Variants in GRID2 observed in about 807,000 individuals in gnomAD.
The protein encoded by GRID2 is glutamate receptor ionotropic, delta-2.
Under a neutral mutation model 114.8 loss-of-function variants are expected in GRID2, and 33 were observed. The observed-to-expected ratio is 0.29, with a 90% CI of 0.22 to 0.38. The LOEUF is 0.38. GRID2 is among the 10% of genes least tolerant of loss of function. The pLI is 1.00. For synonymous variants in GRID2, 505 were observed against 449.9 expected (o/e 1.12, Z -1.55); for missense variants, 1,184 against 1,257.7 (o/e 0.94, Z 0.89).
At chr4:92,785,876 A>G (rs964478986) in intron 2 of GRID2, among the ~76,000 whole-genome samples, 1 of 151,846 alleles carries the variant, frequency 6.6e-6, no homozygotes, top group Non-Finnish European at 1.5e-5. Flanking sequence ...GTAAATTGAC[A>G]TTTCAATACC....
intron 1 of GRID2, among the ~76,000 whole-genome samples, chr4:92,548,494 C>T (rs569481283): frequency 7.6e-5 from 11 of 144,408 alleles, no homozygotes; most frequent in South Asian, 2.2e-4. Context: ...CTCCGCCTGC[C>T]GGGTTCAAGT....
intron 1 of GRID2, among the ~76,000 whole-genome samples, chr4:92,524,271 CAT>C (rs113293412): frequency 0.011 from 1,659 of 152,032 alleles, 26 homozygotes; most frequent in African/African-American, 0.038. Flanking sequence ...CAAAATTTAA[CAT>C]AAATGTAATG....
intron 2 of GRID2, among the ~76,000 whole-genome samples, chr4:92,672,340 A>G: frequency 6.6e-6 from 1 of 152,224 alleles, no homozygotes; most frequent in African/African-American, 2.4e-5. Context: ...TGAACTTTAA[A>G]TTTTCAGCTC....
chr4:93,049,474 ATTAGT>A (rs1213625975), intron 2 of GRID2, among the ~76,000 whole-genome samples: 1 of 151,862 alleles, frequency 6.6e-6, no homozygotes, highest in Non-Finnish European at 1.5e-5. Context: ...TTTGAACTTC[ATTAGT>A]TTAAACTTAA....
At chr4:93,677,059 C>T (rs76618279) in intron 14 of GRID2, among the ~76,000 whole-genome samples, 10 of 152,102 alleles carry the variant, frequency 6.6e-5, no homozygotes, top group East Asian at 1.9e-4. Context: ...GCTGGAAAAT[C>T]GGGTCACTCC....
At chr4:93,743,885 C>T (rs758659314) in intron 14 of GRID2, among the ~76,000 whole-genome samples, 3 of 152,122 alleles carry the variant, frequency 2.0e-5, no homozygotes, top group Admixed American at 6.5e-5. Context: ...GAGTAGAAGT[C>T]AATGCTTGAC....
At chr4:93,023,123 G>A (rs541890169) in intron 2 of GRID2, among the ~76,000 whole-genome samples, 52 of 147,226 alleles carry the variant, frequency 3.5e-4, no homozygotes, top group Non-Finnish European at 6.6e-4. Context: ...GTGTGTGTGT[G>A]TGTATGTATG....
rs764487348 is a variant in GRID2 at position 92,816,318 on chromosome 4, C to CAAA, written c.244+226053_244+226055dup. Reference sequence around the variant, plus strand: ...CAACAAGAGTAAATCTCTGTCTCACCAAAAAAAAAAAAAAAAAAAAAAAGT... The same window carrying CAAA: ...CAACAAGAGTAAATCTCTGTCTCACCAAAAAAAAAAAAAAAAAAAAAAAAAAGT... On this transcript the variant is annotated intron_variant, in intron 2 of 15. Transcript: ENST00000282020. Among the ~76,000 whole-genome samples the CAAA allele has an allele frequency of 1.7e-3, 84 of 48,028 alleles. 1 individual carries two copies. Among genetic ancestry groups the CAAA allele is most frequent in the Middle Eastern group, 0.013 (1 of 78 alleles). 31.5% of individuals were successfully genotyped at this position (48,028 alleles called of 152,430 possible).
chr4:92,670,249 CATTT>C (rs1732992564), intron 2 of GRID2, among the ~76,000 whole-genome samples: 1 of 152,014 alleles, frequency 6.6e-6, no homozygotes, highest in African/African-American at 2.4e-5. Flanking sequence ...ATTCATTTTA[CATTT>C]ATTAAACGTT....
At chr4:93,341,744 T>C (rs1759678476) in intron 8 of GRID2, among the ~76,000 whole-genome samples, 1 of 152,158 alleles carries the variant, frequency 6.6e-6, no homozygotes, top group South Asian at 2.1e-4. Context: ...TGGATTTGCC[T>C]AGGAGTTGTG....
chr4:92,735,869 T>C (rs777937398), intron 2 of GRID2, among the ~76,000 whole-genome samples: 1 of 152,016 alleles, frequency 6.6e-6, no homozygotes. Context: ...TGAGGTCACA[T>C]GAAAACATAA....
intron 13 of GRID2, among the ~76,000 whole-genome samples, chr4:93,613,869 A>T (rs1436745710): frequency 6.6e-6 from 1 of 151,616 alleles, no homozygotes; most frequent in Non-Finnish European, 1.5e-5. Context: ...TGCTTTGTTT[A>T]CCTAAGCAAG....
In GRID2 at chr4:92,312,283, G is replaced by T. The variant is rs181673662; in HGVS notation, c.88+7539G>T. Among the ~76,000 whole-genome samples, 6 of 152,084 alleles carry T rather than the reference G, an allele frequency of 3.9e-5. No homozygotes were observed. In the East Asian group the frequency reaches 1.2e-3, roughly 29 times the overall value. ...TATTTAAATCTTCTAGGTATATTTG[G>T]GTTAAGATAAAATGTGTGATATGAA... is the stretch of plus-strand genomic sequence containing the variant. On this transcript the variant is annotated intron_variant, in intron 1 of 15. Coordinates refer to ENST00000282020, the MANE Select transcript of GRID2 (RefSeq NM_001510.4).
At chr4:93,297,059 CT>C (rs1754381311) in intron 8 of GRID2, among the ~76,000 whole-genome samples, 1 of 152,084 alleles carries the variant, frequency 6.6e-6, no homozygotes, top group Admixed American at 6.5e-5. Flanking sequence ...CATTTAAGCC[CT>C]GGTCATATCT....
At chr4:93,130,692 T>C (rs552775766) in intron 4 of GRID2, among the ~76,000 whole-genome samples, 1 of 152,336 alleles carries the variant, frequency 6.6e-6, no homozygotes, top group South Asian at 2.1e-4. Context: ...TCTCCGTCAT[T>C]AGATTGTAAA....
At chr4:92,449,707 ATAT>A (rs1463215976) in intron 1 of GRID2, among the ~76,000 whole-genome samples, 24 of 142,488 alleles carry the variant, frequency 1.7e-4, no homozygotes, top group African/African-American at 5.7e-4. Context: ...ATATATATAT[ATAT>A]AACACTTAAG....
At chr4:93,286,005 G>T (rs138420302) in intron 8 of GRID2, among the ~76,000 whole-genome samples, 5 of 152,032 alleles carry the variant, frequency 3.3e-5, no homozygotes, top group Admixed American at 6.6e-5. Flanking sequence ...AGTTTATTTG[G>T]AGTGAAATTA....
At chr4:93,248,738 G>A (rs143097847) in intron 8 of GRID2, among the ~76,000 whole-genome samples, 1 of 152,178 alleles carries the variant, frequency 6.6e-6, no homozygotes, top group East Asian at 1.9e-4. Context: ...ATTTGGCAGG[G>A]GGGTGACTCT....
intron 14 of GRID2, among the ~76,000 whole-genome samples, chr4:93,670,946 T>G (rs191168280): frequency 2.6e-5 from 4 of 152,180 alleles, no homozygotes; most frequent in Non-Finnish European, 5.9e-5. Flanking sequence ...GATCAAACAT[T>G]CTATATGTGT....
Sources: allele counts gnomAD v4.1 joint callset (sites outside exome capture counted in the v4.1 genomes callset), GRCh38; gene constraint gnomAD v4.1.1; transcripts MANE v1.5; gene names NCBI Gene and HGNC (gene_info 2026-07-23, HGNC 2026-07-21).